NLGN1: variants seen among roughly 807,000 people sequenced by gnomAD.
NLGN1 encodes neuroligin 1, also known as neuroligin-1.
In NLGN1, 12 loss-of-function variants were observed where a neutral mutation model predicts 65.5. The ratio of observed to expected loss-of-function variants is 0.18; its 90% CI spans 0.12 to 0.30. The LOEUF (loss-of-function observed/expected upper bound fraction) is 0.30. Ranked by LOEUF, NLGN1 falls within the 10% of genes least tolerant of loss-of-function variation. NLGN1 has a pLI of 1.00. For missense variants in NLGN1, 750 were observed against 1,007.1 expected (o/e 0.74, Z 3.46); for synonymous variants, 350 against 359.5 (o/e 0.97, Z 0.30).
chr3:173,657,462 C>T (rs1324267616), intron 3 of NLGN1, among the ~76,000 whole-genome samples: 1 of 151,864 alleles, frequency 6.6e-6, no homozygotes, highest in Non-Finnish European at 1.5e-5. Context: ...CCTCCTGCCC[C>T]CTTTGTTTTG....
intron 3 of NLGN1, 103 bp from the exon 4 acceptor site, chr3:173,807,577 A>G (rs1159513153): frequency 3.8e-6 from 5 of 1,308,998 alleles, no homozygotes; most frequent in Non-Finnish European, 4.3e-6. Flanking sequence ...TAAGAACTAT[A>G]TTGAAATTAT....
At chr3:174,281,014 A>C (rs1484598483) in exon 7 of NLGN1, 1 of 1,613,354 alleles carries the variant, frequency 6.2e-7, no homozygotes, top group South Asian at 1.1e-5. Flanking sequence ...GCACAAGAAG[A>C]GGAAATCATG....
intron 1 of NLGN1, among the ~76,000 whole-genome samples, chr3:173,434,593 C>G (rs1169476193): frequency 6.6e-6 from 1 of 152,178 alleles, no homozygotes; most frequent in Non-Finnish European, 1.5e-5. Context: ...TCTCTACAAT[C>G]TACTTTCAGA....
At chr3:173,571,298 A>G (rs771241700) in intron 2 of NLGN1, among the ~76,000 whole-genome samples, 1 of 152,224 alleles carries the variant, frequency 6.6e-6, no homozygotes, top group Non-Finnish European at 1.5e-5. Flanking sequence ...AAAATCAGAT[A>G]TGTTGAAGTG....
rs143485896 is a variant in NLGN1, at chr3:173,613,104, A to G, written c.493+8013A>G. On this transcript the variant is annotated intron_variant, in intron 3 of 6. Coordinates refer to ENST00000457714, the Ensembl canonical transcript of NLGN1. ...CTTTAACATATAGAATTTTGGGGAG[A>G]CACAATTCAACCTATAACTGTCACA... is the stretch of plus-strand genomic sequence containing the variant. Among the ~76,000 whole-genome samples, 952 of 152,236 alleles carry G rather than the reference A, an allele frequency of 6.3e-3. 13 individuals are homozygous for G. The highest frequency in any genetic ancestry group is 0.022 in the African/African-American group (908 of 41,554).
intron 4 of NLGN1, among the ~76,000 whole-genome samples, chr3:174,142,009 T>C (rs9847712): frequency 0.07 from 10,633 of 152,182 alleles, 513 homozygotes; most frequent in African/African-American, 0.13. Flanking sequence ...AAATCCCCTA[T>C]GTACCCTTCT....
At chr3:174,167,459 A>T (rs1390041056) in intron 4 of NLGN1, among the ~76,000 whole-genome samples, 1 of 152,070 alleles carries the variant, frequency 6.6e-6, no homozygotes, top group Non-Finnish European at 1.5e-5. Context: ...TTGGTGGGAT[A>T]TGAAATTCTT....
intron 4 of NLGN1, among the ~76,000 whole-genome samples, chr3:173,996,153 G>C (rs568737776): frequency 1.3e-5 from 2 of 152,284 alleles, no homozygotes; most frequent in South Asian, 4.1e-4. Context: ...AATGGTGCCA[G>C]ATAGAAAACT....
intron 2 of NLGN1, among the ~76,000 whole-genome samples, chr3:173,574,740 C>T (rs533890307): frequency 6.6e-6 from 1 of 152,254 alleles, no homozygotes; most frequent in African/African-American, 2.4e-5. Flanking sequence ...GATTGTTCAA[C>T]TTTTAAGGGA....
chr3:173,991,625 C>G (rs1721117144), intron 4 of NLGN1, among the ~76,000 whole-genome samples: 1 of 152,236 alleles, frequency 6.6e-6, no homozygotes, highest in African/African-American at 2.4e-5. Context: ...GCTTGTTCTA[C>G]TATATTGGAT....
intron 3 of NLGN1, among the ~76,000 whole-genome samples, chr3:173,639,524 A>G (rs1757085468): frequency 6.6e-6 from 1 of 152,242 alleles, no homozygotes; most frequent in South Asian, 2.1e-4. Context: ...GTTCATGGTT[A>G]GACATGGAGG....
chr3:174,100,275 G>GT (rs1418454128), intron 4 of NLGN1, among the ~76,000 whole-genome samples: 4 of 136,128 alleles, frequency 2.9e-5, no homozygotes, highest in East Asian at 2.1e-4. Context: ...AATACCTATG[G>GT]TAAAAAAAAA....
At chr3:173,672,461 C>T (rs1248632227) in intron 3 of NLGN1, among the ~76,000 whole-genome samples, 2 of 152,060 alleles carry the variant, frequency 1.3e-5, no homozygotes, top group Non-Finnish European at 2.9e-5. Flanking sequence ...TATAGAAATT[C>T]CTGGATAGGT....
chr3:173,540,670 G>A (rs1738709973), intron 2 of NLGN1, among the ~76,000 whole-genome samples: 1 of 152,264 alleles, frequency 6.6e-6, no homozygotes. Flanking sequence ...AACAGGGAAT[G>A]TTTGGTGAAC....
intron 1 of NLGN1, among the ~76,000 whole-genome samples, chr3:173,420,701 TA>T (rs1714881340): frequency 6.6e-6 from 1 of 152,292 alleles, no homozygotes; most frequent in East Asian, 1.9e-4. Flanking sequence ...ACCAACAGTG[TA>T]GTGTTACTAT....
At chr3:174,180,045 A>G (rs570382768) in intron 4 of NLGN1, among the ~76,000 whole-genome samples, 2 of 152,184 alleles carry the variant, frequency 1.3e-5, no homozygotes, top group Non-Finnish European at 2.9e-5. Context: ...CTTTAGTAAA[A>G]TAAAAGAGCT....
At chr3:173,762,885 C>T (rs768696825) in intron 3 of NLGN1, among the ~76,000 whole-genome samples, 6 of 151,212 alleles carry the variant, frequency 4.0e-5, no homozygotes, top group East Asian at 2.0e-4. Flanking sequence ...AAATGCTAAT[C>T]GTATGATACT....
intron 3 of NLGN1, among the ~76,000 whole-genome samples, chr3:173,696,434 C>T (rs1457842238): frequency 1.3e-5 from 2 of 152,018 alleles, no homozygotes; most frequent in African/African-American, 2.4e-5. Context: ...TTCTCAGCTC[C>T]AGTTTTCTAA....
chr3:174,060,427 C>A (rs1489596770), intron 4 of NLGN1, among the ~76,000 whole-genome samples: 1 of 151,944 alleles, frequency 6.6e-6, no homozygotes, highest in African/African-American at 2.4e-5. Flanking sequence ...AAAAGAAGAA[C>A]CAGAACATAT....
Sources: gnomAD v4.1 joint callset for allele counts (sites outside exome capture counted in the v4.1 genomes callset) on GRCh38, gnomAD v4.1.1 for gene constraint, MANE v1.5 for transcripts, NCBI Gene and HGNC (gene_info 2026-07-23, HGNC 2026-07-21) for gene names.